ACAP2: variants seen among roughly 807,000 people sequenced by gnomAD.
ACAP2 encodes the protein arf-GAP with coiled-coil, ANK repeat and PH domain-containing protein 2.
ACAP2 carries 39 observed loss-of-function variants against 115.8 expected under a neutral mutation model. That is an observed-to-expected ratio of 0.34 (90% CI 0.26 to 0.44). The LOEUF is 0.44. Ranked by LOEUF, ACAP2 falls within the 20% of genes least tolerant of loss-of-function variation. ACAP2 has a pLI of 1.00. For missense variants in ACAP2, 662 were observed against 927.6 expected (o/e 0.71, Z 3.72); for synonymous variants, 289 against 315.8 (o/e 0.92, Z 0.90).
rs527719299 is a variant in ACAP2, at chr3:195,419,794, C to T, written c.53+23001G>A. ...ATTATTATCTAGTAACTATCCTTTT[C>T]CCCTTGATTTTAAATAACACCTTCA... On this transcript the variant is annotated intron_variant, in intron 1 of 22. Transcript: ENST00000326793. Among the ~76,000 whole-genome samples, 18 of 152,264 alleles carry T rather than the reference C, an allele frequency of 1.2e-4. 1 individual carries two copies. The South Asian group carries it at 3.7e-3, about 32-fold the overall frequency.
At chr3:195,433,468 G>A (rs1484644676) in intron 1 of ACAP2, among the ~76,000 whole-genome samples, 1 of 152,034 alleles carries the variant, frequency 6.6e-6, no homozygotes, top group African/African-American at 2.4e-5. Context: ...AACTGCTCTG[G>A]CTCTATCCTC....
At chr3:195,421,174 G>C (rs1279103271) in intron 1 of ACAP2, among the ~76,000 whole-genome samples, 2 of 152,066 alleles carry the variant, frequency 1.3e-5, no homozygotes, top group Non-Finnish European at 2.9e-5. Context: ...GTTCACATCA[G>C]AATCACCTAG....
chr3:195,314,201 T>G (rs73206680), intron 10 of ACAP2, among the ~76,000 whole-genome samples: 69,194 of 149,734 alleles, frequency 0.46, 17,134 homozygotes, highest in Middle Eastern at 0.68. Flanking sequence ...ATTTTGTTGT[T>G]TTTTTTTTTT....
intron 2 of ACAP2, among the ~76,000 whole-genome samples, chr3:195,383,635 CA>C (rs536055577): frequency 0.012 from 1,624 of 140,846 alleles, 26 homozygotes; most frequent in African/African-American, 0.038. Flanking sequence ...AAATACTATG[CA>C]AAAAAAAACT....
chr3:195,388,260 T>TG (rs1245491577), intron 2 of ACAP2, among the ~76,000 whole-genome samples: 4 of 152,308 alleles, frequency 2.6e-5, no homozygotes, highest in African/African-American at 9.6e-5. Flanking sequence ...AGCCAACATT[T>TG]GGTAGTACTT....
intron 1 of ACAP2, among the ~76,000 whole-genome samples, chr3:195,428,309 T>C (rs1714838657): frequency 6.7e-6 from 1 of 149,154 alleles, no homozygotes; most frequent in African/African-American, 2.5e-5. Context: ...CATAGATATA[T>C]ATACACTCAT....
intron 1 of ACAP2, among the ~76,000 whole-genome samples, chr3:195,408,265 C>T (rs547884918): frequency 1.3e-5 from 2 of 152,230 alleles, no homozygotes; most frequent in East Asian, 3.9e-4. Flanking sequence ...AAGTTCCAGA[C>T]CAGTCTGGGC....
chr3:195,358,857 C>G (rs1223982215), intron 4 of ACAP2, among the ~76,000 whole-genome samples: 4 of 151,918 alleles, frequency 2.6e-5, no homozygotes, highest in Admixed American at 6.6e-5. Flanking sequence ...TTATAGAATA[C>G]CAAGTAGATT....
At chr3:195,438,954 G>A (rs530454259) in intron 1 of ACAP2, among the ~76,000 whole-genome samples, 99 of 152,152 alleles carry the variant, frequency 6.5e-4, no homozygotes, top group Middle Eastern at 6.8e-3. Context: ...CCAGTTACTC[G>A]GGAGGCTGAG....
intron 10 of ACAP2, among the ~76,000 whole-genome samples, chr3:195,316,927 CA>C (rs200330494): frequency 0.026 from 2,246 of 87,294 alleles, 90 homozygotes; most frequent in East Asian, 0.13. Context: ...TTTTTTGAGA[CA>C]AGAGTCTCAC....
At chr3:195,357,111 G>A (rs1732024567) in intron 4 of ACAP2, among the ~76,000 whole-genome samples, 1 of 151,882 alleles carries the variant, frequency 6.6e-6, no homozygotes, top group South Asian at 2.1e-4. Flanking sequence ...TGAAGGGTGG[G>A]TCCCAGGAAT....
Position 195,281,144 on chromosome 3 carries a change from G to A in ACAP2, c.2237-1716C>T, listed in dbSNP as rs575054604. Reference sequence around the variant, plus strand: ...CTTTTGGCCCGGCCGGGTGGCTCACGCCTCTAATCCCAGCACTTTGAGAGG... The same window carrying A: ...CTTTTGGCCCGGCCGGGTGGCTCACACCTCTAATCCCAGCACTTTGAGAGG... On this transcript the variant is annotated intron_variant, in intron 22 of 22. Transcript: ENST00000326793. Among the ~76,000 whole-genome samples the A allele has an allele frequency of 3.3e-5, 5 of 152,268 alleles. No homozygotes were observed. The South Asian group carries it at 8.3e-4, about 25-fold the overall frequency.
chr3:195,348,859 C>T (rs1163276234), intron 4 of ACAP2, among the ~76,000 whole-genome samples: 3 of 152,106 alleles, frequency 2.0e-5, no homozygotes, highest in Non-Finnish European at 4.4e-5. Context: ...ATCTAACATC[C>T]TGGCTAGTGG....
chr3:195,389,575 A>C (rs1477882473), intron 2 of ACAP2, among the ~76,000 whole-genome samples: 1 of 152,112 alleles, frequency 6.6e-6, no homozygotes, highest in East Asian at 1.9e-4. Flanking sequence ...CTCTCTCATA[A>C]ATCTTCCATA....
At chr3:195,349,463 C>G (rs1221638310) in intron 4 of ACAP2, among the ~76,000 whole-genome samples, 1 of 151,990 alleles carries the variant, frequency 6.6e-6, no homozygotes, top group East Asian at 1.9e-4. Context: ...GCCTGAGCAA[C>G]AGGAGCGAAA....
intron 1 of ACAP2, among the ~76,000 whole-genome samples, chr3:195,433,561 T>C (rs1163582469): frequency 6.6e-6 from 1 of 152,202 alleles, no homozygotes; most frequent in Admixed American, 6.5e-5. Flanking sequence ...CCACTAAATA[T>C]GATGTTAGCT....
intron 2 of ACAP2, 78 bp from the exon 3 acceptor site, chr3:195,382,100 T>C (rs1301090530): frequency 1.3e-5 from 17 of 1,356,318 alleles, no homozygotes; most frequent in African/African-American, 5.9e-5. Flanking sequence ...TGGCAGTAAC[T>C]ATATGAGGTG....
In ACAP2 at chr3:195,333,068, A is replaced by T. The variant is rs1270296224; in HGVS notation, c.629T>A (p.Phe210Tyr). The part of the protein sequence containing the change: ...LAFFHQGYDL[F>Y]SELGPYMKDL... ...CTTCATGTAGGGTCCAAGTTCACTA[A>T]ACAGATCATATCCTTGATGAAAGAA... is the stretch of plus-strand genomic sequence containing the variant. The change falls in exon 8 of 23, where the codon TTT becomes TAT. Residue 210 changes from phenylalanine to tyrosine, a missense_variant. Around this residue, in one of 3 missense-constraint regions of ACAP2, gnomAD observed 401 missense variants for 604.4 expected, o/e 0.66. Coordinates refer to ENST00000326793, the MANE Select transcript of ACAP2 (RefSeq NM_012287.6). The T allele has an allele frequency of 1.2e-6, 2 of 1,611,070 alleles. No homozygotes were observed. The highest frequency in any genetic ancestry group is 1.3e-5 in the African/African-American group (1 of 74,694).
intron 1 of ACAP2, among the ~76,000 whole-genome samples, chr3:195,432,106 C>G (rs556691888): frequency 6.6e-6 from 1 of 152,336 alleles, no homozygotes; most frequent in East Asian, 1.9e-4. Flanking sequence ...AATCCCTTAA[C>G]AGGTATAATT....
Sources: gnomAD v4.1 joint callset for allele counts (sites outside exome capture counted in the v4.1 genomes callset) on GRCh38, gnomAD v4.1.1 for gene constraint, gnomAD v4.1.1 regional missense constraint, MANE v1.5 for transcripts, NCBI Gene and HGNC (gene_info 2026-07-23, HGNC 2026-07-21) for gene names.